ATCAY: variants seen among roughly 807,000 people sequenced by gnomAD.
ATCAY encodes caytaxin.
ATCAY carries 22 observed loss-of-function variants against 47.7 expected under a neutral mutation model. The ratio of observed to expected loss-of-function variants is 0.46; its 90% CI spans 0.33 to 0.66. The LOEUF is 0.66. Among genes scored for constraint, ATCAY ranks in the 30% least tolerant of loss-of-function variants. ATCAY has a pLI of 0.02. For missense variants in ATCAY, 452 were observed against 515.0 expected (o/e 0.88, Z 1.18); for synonymous variants, 216 against 207.6 (o/e 1.04, Z -0.35).
intron 3 of ATCAY, among the ~76,000 whole-genome samples, chr19:3,904,817 C>T (rs2038845956): frequency 6.6e-6 from 1 of 152,014 alleles, no homozygotes; most frequent in African/African-American, 2.4e-5. Context: ...GGGCTGCTTT[C>T]ACAATTTGTC....
chr19:3,907,640 C>T lies in ATCAY; in HGVS notation c.359-94C>T, dbSNP rs570636822. Reference sequence around the variant, plus strand: ...GCGAAGGACTTGTGGGTCCCGGCAGCGAGGGAGGTGGGAGAGGGGAAGGAA... The same window carrying T: ...GCGAAGGACTTGTGGGTCCCGGCAGTGAGGGAGGTGGGAGAGGGGAAGGAA... On this transcript the variant is annotated intron_variant, in intron 4 of 12. Transcript: ENST00000450849. The surrounding 1 kb of genome is among the most constrained non-coding windows in gnomAD (Gnocchi z 5.1). The T allele has an allele frequency of 1.1e-4, 162 of 1,464,080 alleles. No homozygotes were observed. The highest frequency in any genetic ancestry group is 1.3e-4 in the Non-Finnish European group (143 of 1,069,860). 90.7% of individuals were successfully genotyped at this position (1,464,080 alleles called of 1,614,324 possible).
intron 2 of ATCAY, among the ~76,000 whole-genome samples, chr19:3,889,352 G>A (rs1191672263): frequency 6.6e-6 from 1 of 152,180 alleles, no homozygotes; most frequent in Non-Finnish European, 1.5e-5. Context: ...GGCGGAGGTT[G>A]CAGTGAGCCA....
At chr19:3,883,979 G>T (rs2038624799) in intron 1 of ATCAY, among the ~76,000 whole-genome samples, 1 of 151,784 alleles carries the variant, frequency 6.6e-6, no homozygotes, top group East Asian at 1.9e-4. Context: ...CCTGCCCCCA[G>T]TGAGCTCCTC....
chr19:3,908,238 T>A, intron 5 of ATCAY, 30 bp from the exon 6 acceptor site: 9 of 1,540,548 alleles, frequency 5.8e-6, no homozygotes, highest in Non-Finnish European at 7.9e-6. Context: ...GAGAGGACTC[T>A]GACGTTGCCG....
chr19:3,895,289 A>T, intron 2 of ATCAY: 1 of 451,404 alleles, frequency 2.2e-6, no homozygotes, highest in African/African-American at 2.0e-5. Context: ...ATCTCAGCTC[A>T]CTGCAACCTC....
At chr19:3,899,934 AAAAG>A (rs1245634081) in intron 2 of ATCAY, among the ~76,000 whole-genome samples, 1 of 152,158 alleles carries the variant, frequency 6.6e-6, no homozygotes, top group Non-Finnish European at 1.5e-5. Flanking sequence ...TTCTGTCTCA[AAAAG>A]AAAGAAAAAG....
Position 3,885,713 on chromosome 19 carries a change from C to T in ATCAY, c.-41-14C>T, listed in dbSNP as rs146935412. 70 of 1,471,748 alleles carry T rather than the reference C, an allele frequency of 4.8e-5. No individual in the cohort carries two copies. In the East Asian group the frequency reaches 5.4e-4, roughly 11 times the overall value. 91.2% of individuals were successfully genotyped at this position (1,471,748 alleles called of 1,614,324 possible). A position where few individuals can be genotyped will look rare whatever the true frequency, so the allele number is the denominator to read the frequency against. On this transcript the variant is annotated splice_polypyrimidine_tract_variant and intron_variant, in intron 1 of 12. Coordinates refer to ENST00000450849, the MANE Select transcript of ATCAY (RefSeq NM_033064.5). Reference sequence around the variant, plus strand: ...TTGTCCAGTAAAACCCATTCCTCTGCGGCTTCCTTTCAGGGGTCATCCCTG... The same window carrying T: ...TTGTCCAGTAAAACCCATTCCTCTGTGGCTTCCTTTCAGGGGTCATCCCTG...
rs987679831 is a variant in ATCAY at position 3,890,670 on chromosome 19, G to A, written c.77+4826G>A. On this transcript the variant is annotated intron_variant, in intron 2 of 12. Transcript: ENST00000450849. ...GCTGGAGGCCCTTTCTGGAAGGCGC[G>A]AGGCCAGCGGGAGCGGGAGGAGGGT... 9.8e-5 allele frequency among the ~76,000 whole-genome samples: 15 copies of A among 152,320 alleles called. 1 individual carries two copies. Among genetic ancestry groups the A allele is most frequent in the East Asian group, 3.9e-4 (2 of 5,178 alleles).
intron 1 of ATCAY, among the ~76,000 whole-genome samples, chr19:3,885,348 G>A (rs1204639329): frequency 6.6e-6 from 1 of 151,920 alleles, no homozygotes; most frequent in Non-Finnish European, 1.5e-5. Flanking sequence ...GAGGTCAGGA[G>A]TTCGAGACCA....
rs1007727967 is a variant in ATCAY, at chr19:3,913,917, A to C, written c.965+61A>C. ...CTGTTTTCGTGCTGCTGATAAAGAC[A>C]CACCTGAGACAGGGCAATTTACAAA... On this transcript the variant is annotated intron_variant, in intron 9 of 12. Coordinates refer to ENST00000450849, the MANE Select transcript of ATCAY (RefSeq NM_033064.5). The C allele has an allele frequency of 4.9e-5, 71 of 1,456,840 alleles. No homozygotes were observed. In the African/African-American group the frequency reaches 9.5e-4, roughly 19 times the overall value. The allele number at this position is 1,456,840 out of a possible 1,614,324, so 90.2% of individuals were successfully genotyped here. A position where few individuals can be genotyped will look rare whatever the true frequency, so the allele number is the denominator to read the frequency against.
chr19:3,917,842 G>C, intron 10 of ATCAY, 65 bp downstream of exon 10: 1 of 1,565,194 alleles, frequency 6.4e-7, no homozygotes, highest in Non-Finnish European at 8.7e-7. Context: ...TGAACTCTCA[G>C]TTAGGGCAAC....
chr19:3,889,530 G>T (rs559364631), intron 2 of ATCAY, among the ~76,000 whole-genome samples: 4 of 152,138 alleles, frequency 2.6e-5, no homozygotes, highest in Non-Finnish European at 5.9e-5. Context: ...TTGGGACATC[G>T]CAGCAGTGAG....
At chr19:3,888,362 G>A (rs1272343245) in intron 2 of ATCAY, among the ~76,000 whole-genome samples, 1 of 152,144 alleles carries the variant, frequency 6.6e-6, no homozygotes, top group African/African-American at 2.4e-5. Flanking sequence ...GCGCACAGTG[G>A]CTCACGTCTG....
Position 3,907,427 on chromosome 19 carries a change from T to C in ATCAY, c.359-307T>C, listed in dbSNP as rs2038871134. ...GCATGCCCCGAGTATCCTCGTGGTT[T>C]GATGAAGCAGATGCATTCACCAGCT... On this transcript the variant is annotated intron_variant, in intron 4 of 12. Coordinates refer to ENST00000450849, the MANE Select transcript of ATCAY (RefSeq NM_033064.5). This position sits in a 1 kb window ranked among gnomAD's most constrained non-coding sequence, Gnocchi z 5.1. Among the ~76,000 whole-genome samples the C allele has an allele frequency of 1.3e-5, 2 of 152,066 alleles. No individual in the cohort carries two copies. Among genetic ancestry groups the C allele is most frequent in the Non-Finnish European group, 2.9e-5 (2 of 67,998 alleles).
chr19:3,891,726 TG>T (rs961966637), intron 2 of ATCAY, among the ~76,000 whole-genome samples: 10 of 151,650 alleles, frequency 6.6e-5, no homozygotes, highest in Non-Finnish European at 1.0e-4. Flanking sequence ...ACTGAGGACT[TG>T]GGGGAGGAGC....
In ATCAY at chr19:3,916,181, G is replaced by C. The variant is rs371476455; in HGVS notation, c.966-1561G>C. Among the ~76,000 whole-genome samples, 7 of 152,164 alleles carry C rather than the reference G, an allele frequency of 4.6e-5. No homozygotes were observed. In the East Asian group the frequency reaches 1.3e-3, roughly 29 times the overall value. ...TTGTGTCTGACGTCTCTCACTGAGC[G>C]TGACATCCTCAAGGTGCATCCACAT... On this transcript the variant is annotated intron_variant, in intron 9 of 12. Transcript: ENST00000450849.
intron 11 of ATCAY, 77 bp downstream of exon 11, chr19:3,918,954 G>T (rs549352263): frequency 2.8e-5 from 43 of 1,540,822 alleles, no homozygotes; most frequent in Non-Finnish European, 3.6e-5. Flanking sequence ...AGGCTAGAGA[G>T]GAAGATGGGT....
chr19:3,902,065 C>T (rs1031995983), intron 2 of ATCAY, among the ~76,000 whole-genome samples: 2 of 152,046 alleles, frequency 1.3e-5, no homozygotes, highest in African/African-American at 4.8e-5. Flanking sequence ...GTAATCCCAA[C>T]ACTTTGGGAG....
intron 11 of ATCAY, among the ~76,000 whole-genome samples, chr19:3,920,022 T>C (rs2039002557): frequency 6.6e-6 from 1 of 152,160 alleles, no homozygotes; most frequent in African/African-American, 2.4e-5. Flanking sequence ...TCGGTCCTCA[T>C]AGGGCTTACA....
Sources: gnomAD v4.1 joint callset for allele counts (sites outside exome capture counted in the v4.1 genomes callset) on GRCh38, gnomAD v4.1.1 for gene constraint, Gnocchi (gnomAD v3.1) non-coding constraint, MANE v1.5 for transcripts, NCBI Gene and HGNC (gene_info 2026-07-23, HGNC 2026-07-21) for gene names.